The following LPP variants were observed in gnomAD, a reference collection of about 807,000 sequenced individuals.
The protein encoded by LPP is lipoma-preferred partner.
A neutral mutation model predicts 60.4 loss-of-function variants in LPP; 38 were observed. The observed-to-expected ratio is 0.63, with a 90% CI of 0.49 to 0.83. The LOEUF (loss-of-function observed/expected upper bound fraction) is 0.83. Ranked by LOEUF, LPP falls within the 40% of genes least tolerant of loss-of-function variation. LPP has a pLI of 0.00. For synonymous variants in LPP, 328 were observed against 290.8 expected (o/e 1.13, Z -1.30); for missense variants, 902 against 783.6 (o/e 1.15, Z -1.80).
intron 1 of LPP, among the ~76,000 whole-genome samples, chr3:188,192,768 A>G (rs561555539): frequency 2.0e-5 from 3 of 152,158 alleles, no homozygotes; most frequent in Non-Finnish European, 4.4e-5. Context: ...TCCATGAGAA[A>G]CAGGGCCCTT....
intron 8 of LPP, among the ~76,000 whole-genome samples, chr3:188,739,867 A>T (rs1379768414): frequency 6.6e-6 from 1 of 152,052 alleles, no homozygotes; most frequent in Non-Finnish European, 1.5e-5. Context: ...AATTTGACTG[A>T]GAATACTGCC....
intron 9 of LPP, among the ~76,000 whole-genome samples, chr3:188,845,950 T>C (rs1403912034): frequency 6.6e-6 from 1 of 152,250 alleles, no homozygotes; most frequent in Non-Finnish European, 1.5e-5. Flanking sequence ...TGCTTTCCCC[T>C]GTGATGTCCA....
At chr3:188,818,843 A>G (rs1036331833) in intron 9 of LPP, among the ~76,000 whole-genome samples, 1 of 152,162 alleles carries the variant, frequency 6.6e-6, no homozygotes, top group East Asian at 1.9e-4. Context: ...CAAATACCTA[A>G]TATACACCAG....
rs144218918 is a variant in LPP, at chr3:188,787,819, C to T, written c.1410+27537C>T. ...ACTCCTGAGTTATTTCATCTGCTTC[C>T]GTGAGTACAAATATCATCTGTGTGC... On this transcript the variant is annotated intron_variant, in intron 9 of 11. Coordinates refer to ENST00000617246, the MANE Select transcript of LPP (RefSeq NM_001375462.1). 2.6e-3 allele frequency among the ~76,000 whole-genome samples: 398 copies of T among 152,206 alleles called. 2 individuals carry two copies. The highest frequency in any genetic ancestry group is 9.2e-3 in the African/African-American group (381 of 41,516).
At chr3:188,257,828 A>T (rs895986197) in intron 2 of LPP, among the ~76,000 whole-genome samples, 1 of 152,230 alleles carries the variant, frequency 6.6e-6, no homozygotes, top group African/African-American at 2.4e-5. Context: ...GCTCAAAGAG[A>T]TTAAAAGACT....
At chr3:188,540,527 A>G (rs1824878780) in intron 6 of LPP, among the ~76,000 whole-genome samples, 1 of 152,184 alleles carries the variant, frequency 6.6e-6, no homozygotes, top group African/African-American at 2.4e-5. Context: ...AGTAATTAAA[A>G]TCATGGATTT....
At chr3:188,801,034 C>G (rs905442620) in intron 9 of LPP, among the ~76,000 whole-genome samples, 6 of 152,150 alleles carry the variant, frequency 3.9e-5, no homozygotes, top group Non-Finnish European at 8.8e-5. Flanking sequence ...GGCCTTACCT[C>G]CCCTTCCTCT....
At chr3:188,550,577 C>CA (rs67052080) in intron 6 of LPP, among the ~76,000 whole-genome samples, 14,122 of 66,592 alleles carry the variant, frequency 0.21, 1,951 homozygotes, top group Non-Finnish European at 0.25. Context: ...GACTCCATCT[C>CA]AAAAAAAAAA....
chr3:188,512,606 T>C (rs1029722817), intron 5 of LPP, among the ~76,000 whole-genome samples: 4 of 141,574 alleles, frequency 2.8e-5, no homozygotes, highest in African/African-American at 1.1e-4. Context: ...GTTCCCACCC[T>C]CTGTACGTTT....
At chr3:188,850,867 AG>A (rs1251482236) in intron 9 of LPP, among the ~76,000 whole-genome samples, 3 of 152,278 alleles carry the variant, frequency 2.0e-5, no homozygotes, top group Non-Finnish European at 4.4e-5. Flanking sequence ...TGGGAGAGTG[AG>A]GTGACAGAAA....
intron 7 of LPP, among the ~76,000 whole-genome samples, chr3:188,673,186 G>A (rs182498599): frequency 1.4e-4 from 21 of 152,218 alleles, no homozygotes; most frequent in Admixed American, 1.4e-3. Context: ...GTCACGAGAA[G>A]TTAAATGTGA....
At chr3:188,852,437 A>C (rs542506624) in intron 9 of LPP, among the ~76,000 whole-genome samples, 2 of 152,308 alleles carry the variant, frequency 1.3e-5, no homozygotes, top group Admixed American at 1.3e-4. Flanking sequence ...TGTGTTGGAA[A>C]CTTAATTCCC....
chr3:188,603,621 T>A (rs1342645641), intron 6 of LPP, among the ~76,000 whole-genome samples: 1 of 152,294 alleles, frequency 6.6e-6, no homozygotes, highest in Non-Finnish European at 1.5e-5. Context: ...AGGTAATTTC[T>A]ATATAAATGT....
intron 9 of LPP, among the ~76,000 whole-genome samples, chr3:188,843,489 T>TA (rs1449407923): frequency 2.6e-5 from 4 of 152,082 alleles, no homozygotes; most frequent in African/African-American, 9.7e-5. Flanking sequence ...TACGGTCCCT[T>TA]AAAAATCCCT....
At chr3:188,173,647 C>T (rs993051732) in intron 1 of LPP, among the ~76,000 whole-genome samples, 1 of 152,140 alleles carries the variant, frequency 6.6e-6, no homozygotes, top group South Asian at 2.1e-4. Context: ...CGGATGAAGT[C>T]GAGCAGGATG....
intron 8 of LPP, chr3:188,746,361 C>T (rs558225427): frequency 1.1e-5 from 5 of 435,178 alleles, no homozygotes; most frequent in Admixed American, 2.5e-5. Flanking sequence ...CAGAAAAACA[C>T]GCTGAATAGA....
chr3:188,242,483 C>T (rs1290054319), intron 2 of LPP, among the ~76,000 whole-genome samples: 1 of 152,048 alleles, frequency 6.6e-6, no homozygotes, highest in Non-Finnish European at 1.5e-5. Context: ...TCTGTCATAG[C>T]CACCTGTGTG....
At chr3:188,405,992 C>G in intron 3 of LPP, 120 bp from the exon 4 acceptor site, 1 of 771,102 alleles carries the variant, frequency 1.3e-6, no homozygotes, top group Non-Finnish European at 2.0e-6. Context: ...TTTCACCCTT[C>G]TTTCCAGAGA....
At chr3:188,294,217 C>A (rs1747076108) in intron 2 of LPP, among the ~76,000 whole-genome samples, 1 of 151,990 alleles carries the variant, frequency 6.6e-6, no homozygotes, top group African/African-American at 2.4e-5. Context: ...GTAGTGATTG[C>A]TAATAACTGT....
Sources: gnomAD v4.1 joint callset for allele counts (sites outside exome capture counted in the v4.1 genomes callset) on GRCh38, gnomAD v4.1.1 for gene constraint, MANE v1.5 for transcripts, NCBI Gene and HGNC (gene_info 2026-07-23, HGNC 2026-07-21) for gene names.